The following DMD variants were observed in gnomAD, a reference collection of about 807,000 sequenced individuals.
DMD encodes dystrophin.
DMD carries 63 observed loss-of-function variants against 330.1 expected under a neutral mutation model. The ratio of observed to expected loss-of-function variants is 0.19; its 90% confidence interval spans 0.16 to 0.24. The LOEUF (loss-of-function observed/expected upper bound fraction) is 0.24, where lower values mean the gene tolerates loss of function less well. Ranked by LOEUF, DMD falls within the 10% of genes least tolerant of loss-of-function variation. The pLI is 1.00. For missense variants in DMD, 3,344 were observed against 2,684.1 expected (o/e 1.25, Z -5.43); for synonymous variants, 1,223 against 959.8 (o/e 1.27, Z -5.07).
chrX:32,963,218 T>C (rs1452123836), intron 2 of DMD, among the ~76,000 whole-genome samples: 1 of 112,016 alleles, frequency 8.9e-6, no homozygotes, highest in Non-Finnish European at 1.9e-5. Context: ...ACACGAATTA[T>C]TAGACACAAA....
In DMD at chrX:32,390,748, G is replaced by C. The variant is rs768418593; in HGVS notation, c.4234-567C>G. Among the ~76,000 whole-genome samples, 9 of 111,198 alleles carry C rather than the reference G, an allele frequency of 8.1e-5. No homozygotes were observed. The South Asian group carries it at 3.4e-3, about 42-fold the overall frequency. ...TGACCCAGCCTGGTCCCAAACTCCT[G>C]GTCTTAAGCAATTCTCCTGTCTCAG... On this transcript the variant is annotated intron_variant, in intron 30 of 78. Coordinates refer to ENST00000357033, the MANE Select transcript of DMD (RefSeq NM_004006.3).
At chrX:32,302,723 C>T (rs1478912422) in intron 42 of DMD, among the ~76,000 whole-genome samples, 1 of 111,057 alleles carries the variant, frequency 9.0e-6, no homozygotes, top group Non-Finnish European at 1.9e-5. Flanking sequence ...AAGCAATATG[C>T]ATTTTACAAA....
chrX:33,185,889 T>G (rs2050236498), intron 1 of DMD, among the ~76,000 whole-genome samples: 1 of 112,326 alleles, frequency 8.9e-6, no homozygotes, highest in African/African-American at 3.2e-5. Context: ...TGAAATGAGT[T>G]TGGGAAACTA....
chrX:33,237,017 C>T (rs1252150536), intron 1 of DMD, among the ~76,000 whole-genome samples: 1 of 111,574 alleles, frequency 9.0e-6, no homozygotes, highest in African/African-American at 3.3e-5. Context: ...AGCAAAAACC[C>T]AGACTACTTT....
chrX:32,215,733 A>T (rs1295003497), intron 44 of DMD, among the ~76,000 whole-genome samples: 1 of 111,762 alleles, frequency 8.9e-6, no homozygotes, highest in East Asian at 2.8e-4. Context: ...AAACCCCATT[A>T]TGCTACATTA....
chrX:32,390,806 C>T (rs2097996729), intron 30 of DMD, among the ~76,000 whole-genome samples: 1 of 111,473 alleles, frequency 9.0e-6, no homozygotes, highest in South Asian at 3.8e-4. Context: ...AGGCGTGAGC[C>T]ACTGTGCCTG....
At chrX:32,173,221 T>C (rs1173789170) in intron 44 of DMD, among the ~76,000 whole-genome samples, 1 of 109,286 alleles carries the variant, frequency 9.2e-6, no homozygotes, top group Non-Finnish European at 1.9e-5. Flanking sequence ...TCACTCCTCA[T>C]GAGTACAGTA....
At chrX:33,212,628 TA>T (rs1426647213), upstream of DMD, among the ~76,000 whole-genome samples, 2 of 111,732 alleles carry the variant, frequency 1.8e-5, no homozygotes, top group African/African-American at 6.5e-5. Context: ...AGATAAAAAT[TA>T]AAAAAATATT....
chrX:32,015,077 T>C (rs1352317040), intron 44 of DMD, among the ~76,000 whole-genome samples: 1 of 111,664 alleles, frequency 9.0e-6, no homozygotes, highest in Non-Finnish European at 1.9e-5. Flanking sequence ...TCTGGGATCA[T>C]TCAAGAAATA....
At chrX:31,291,035 T>C (rs771215572) in intron 62 of DMD, among the ~76,000 whole-genome samples, 4 of 112,289 alleles carry the variant, frequency 3.6e-5, no homozygotes, top group Non-Finnish European at 7.5e-5. Flanking sequence ...TGTCTTAAAA[T>C]CTAAACTTTT....
At chrX:32,263,072 A>G (rs1392673430) in intron 43 of DMD, among the ~76,000 whole-genome samples, 1 of 112,423 alleles carries the variant, frequency 8.9e-6, no homozygotes, top group Non-Finnish European at 1.9e-5. Flanking sequence ...AATCTAAGAT[A>G]ACAACCTAAT....
chrX:32,345,741 T>A (rs764479460), intron 39 of DMD, among the ~76,000 whole-genome samples: 1 of 110,800 alleles, frequency 9.0e-6, no homozygotes, highest in East Asian at 2.8e-4. Flanking sequence ...AATATGTCTT[T>A]AAAAAGCCAT....
chrX:32,664,323 G>T (rs964315886), intron 9 of DMD, among the ~76,000 whole-genome samples: 1 of 100,549 alleles, frequency 9.9e-6, no homozygotes, highest in Non-Finnish European at 2.0e-5. Context: ...CTCACTACAA[G>T]CTCCGCCTCC....
At chrX:32,508,556 C>G (rs1465392939) in intron 18 of DMD, among the ~76,000 whole-genome samples, 2 of 111,650 alleles carry the variant, frequency 1.8e-5, no homozygotes. Flanking sequence ...GTACTTCGAC[C>G]TTTCTGAACC....
intron 43 of DMD, among the ~76,000 whole-genome samples, chrX:32,252,715 AAT>A (rs1456096644): frequency 5.6e-4 from 19 of 34,152 alleles, no homozygotes; most frequent in Admixed American, 1.9e-3. Context: ...TAAATATATA[AAT>A]ATATATAAAT....
At chrX:31,522,353 CTCTCTCTCTCTA>C (rs1192429706) in intron 55 of DMD, among the ~76,000 whole-genome samples, 2 of 62,830 alleles carry the variant, frequency 3.2e-5, no homozygotes, top group Non-Finnish European at 5.4e-5. Context: ...CTCTCTCTCT[CTCTCTCTCTCTA>C]TATATATATA....
intron 43 of DMD, among the ~76,000 whole-genome samples, chrX:32,270,826 G>A (rs2097362579): frequency 9.0e-6 from 1 of 111,251 alleles, no homozygotes; most frequent in Non-Finnish European, 1.9e-5. Flanking sequence ...ATTACTCAAA[G>A]TAGGCCTGTG....
At chrX:31,194,543 A>G (rs1388361250) in intron 67 of DMD, among the ~76,000 whole-genome samples, 1 of 112,756 alleles carries the variant, frequency 8.9e-6, no homozygotes, top group African/African-American at 3.2e-5. Flanking sequence ...ACAGACACAT[A>G]CATAAACAGA....
In DMD at chrX:33,219,306, T is replaced by TTGTGTGTGTGTG. The variant is rs56332488; in HGVS notation, c.7+119941_7+119952dup. Among the ~76,000 whole-genome samples the TTGTGTGTGTGTG allele has an allele frequency of 7.8e-3, 571 of 72,967 alleles. 8 individuals carry two copies. Among genetic ancestry groups the TTGTGTGTGTGTG allele is most frequent in the Non-Finnish European group, 0.012 (418 of 35,988 alleles). The allele number at this position is 72,967 out of a possible 115,157, so 63.4% of individuals were successfully genotyped here. A position where few individuals can be genotyped will look rare whatever the true frequency, so the allele number is the denominator to read the frequency against. ...TCTATGGTTGATACTTTAGAGATTA[T>TTGTGTGTGTGTG]TGTGTGTGTGTGTGTGTGTGTGTGT... is the stretch of plus-strand genomic sequence containing the variant. On this transcript the variant is annotated intron_variant, in intron 1 of 17. Coordinates refer to the DMD transcript ENST00000288447.
Sources: gnomAD v4.1 joint callset for allele counts (sites outside exome capture counted in the v4.1 genomes callset) on GRCh38, gnomAD v4.1.1 for gene constraint, MANE v1.5 for transcripts, NCBI Gene and HGNC (gene_info 2026-07-23, HGNC 2026-07-21) for gene names.